Variants in SNW1 observed in about 807,000 individuals in gnomAD.
SNW1 encodes SNW domain-containing protein 1.
In SNW1, 9 loss-of-function variants were observed where a neutral mutation model predicts 75.6. The ratio of observed to expected loss-of-function variants is 0.12; its 90% confidence interval spans 0.07 to 0.21. SNW1 has a LOEUF of 0.21. Among genes scored for constraint, SNW1 ranks in the 10% least tolerant of loss-of-function variants. The pLI is 1.00. For synonymous variants in SNW1, 200 were observed against 219.1 expected (o/e 0.91, Z 0.77); for missense variants, 409 against 670.9 (o/e 0.61, Z 4.31).
chr14:77,720,613 C>T, intron 12 of SNW1, 98 bp downstream of exon 12: 2 of 851,816 alleles, frequency 2.3e-6, no homozygotes, highest in South Asian at 1.3e-5. Context: ...TGTCATCATG[C>T]TGGCATTTAC....
chr14:77,719,059 G>T (rs992293679), intron 12 of SNW1, among the ~76,000 whole-genome samples: 2 of 152,104 alleles, frequency 1.3e-5, no homozygotes, highest in African/African-American at 4.8e-5. Flanking sequence ...GAGTACAGGT[G>T]TGTGCCACCA....
intron 8 of SNW1, chr14:77,733,843 A>G (rs916445198): frequency 1.7e-5 from 4 of 237,688 alleles, no homozygotes; most frequent in Non-Finnish European, 2.7e-5. Context: ...TCCCATTTCA[A>G]TAACTCAAGA....
At chr14:77,723,403 G>T in intron 10 of SNW1, 126 bp from the exon 11 acceptor site, 1 of 693,598 alleles carries the variant, frequency 1.4e-6, no homozygotes, top group Non-Finnish European at 2.5e-6. Context: ...AGGCTGGAGT[G>T]TAGTAGCATG....
Position 77,761,152 on chromosome 14 carries a change from G to A in SNW1, c.-25C>T. Reference sequence around the variant, plus strand: ...TCTTCTTCCGCTTCTTCCAGCGCGAGCGACAGCACCGCTGGGCGGGTCTTT... The same window carrying A: ...TCTTCTTCCGCTTCTTCCAGCGCGAACGACAGCACCGCTGGGCGGGTCTTT... On this transcript the variant is annotated 5_prime_UTR_variant, in exon 1 of 14. Coordinates refer to ENST00000261531, the MANE Select transcript of SNW1 (RefSeq NM_012245.3). 3.1e-6 allele frequency: 5 copies of A among 1,614,242 alleles called. No individual in the cohort carries two copies. The highest frequency in any genetic ancestry group is 4.2e-6 in the Non-Finnish European group (5 of 1,180,038).
At chr14:77,735,536 G>T (rs2139908573) in intron 7 of SNW1, among the ~76,000 whole-genome samples, 1 of 152,292 alleles carries the variant, frequency 6.6e-6, no homozygotes, top group South Asian at 2.1e-4. Flanking sequence ...GCCCGCCTCG[G>T]CCTCCCAAAG....
chr14:77,760,516 A>C, intron 1 of SNW1: 1 of 620,606 alleles, frequency 1.6e-6, no homozygotes, highest in South Asian at 1.8e-5. Flanking sequence ...GGAAACAGCA[A>C]AACTGAGGTG....
chr14:77,759,197 A>C (rs2080866009), intron 1 of SNW1, among the ~76,000 whole-genome samples: 1 of 152,220 alleles, frequency 6.6e-6, no homozygotes, highest in Admixed American at 6.5e-5. Flanking sequence ...CTGCCACTGC[A>C]ATTTTAAGCA....
rs2080842402 is a variant in SNW1 at position 77,756,303 on chromosome 14, G to C, written c.15-1183C>G. Among the ~76,000 whole-genome samples, 3 of 151,546 alleles carry C rather than the reference G, an allele frequency of 2.0e-5. No individual in the cohort carries two copies. The South Asian group carries it at 6.2e-4, about 32-fold the overall frequency. On this transcript the variant is annotated intron_variant, in intron 1 of 13. Transcript: ENST00000261531. ...ATCCCTATTTTTTGTATTTTTAGTA[G>C]AGACTGGTTTTTGCCATGTTGGCCC... is the stretch of plus-strand genomic sequence containing the variant.
chr14:77,748,736 C>T (rs1458919234), intron 3 of SNW1, among the ~76,000 whole-genome samples: 1 of 151,830 alleles, frequency 6.6e-6, no homozygotes, highest in Admixed American at 6.6e-5. Context: ...TACAGGTACC[C>T]GCCACCATGC....
chr14:77,721,740 T>A (rs2080542464), intron 11 of SNW1, among the ~76,000 whole-genome samples: 1 of 152,128 alleles, frequency 6.6e-6, no homozygotes, highest in East Asian at 1.9e-4. Context: ...TTATTTATTT[T>A]TATTTTTTTA....
intron 7 of SNW1, 117 bp from the exon 8 acceptor site, chr14:77,735,129 TA>T: frequency 1.6e-6 from 1 of 634,582 alleles, no homozygotes; most frequent in Non-Finnish European, 2.8e-6. Flanking sequence ...ACAGCCGTAG[TA>T]AAAGGCCAGC....
At chr14:77,759,167 G>A (rs2080865622) in intron 1 of SNW1, among the ~76,000 whole-genome samples, 1 of 152,214 alleles carries the variant, frequency 6.6e-6, no homozygotes, top group African/African-American at 2.4e-5. Context: ...CCTCAAGACT[G>A]GCCATTTAAA....
At chr14:77,742,109 G>C (rs2080723928) in intron 3 of SNW1, among the ~76,000 whole-genome samples, 3 of 151,768 alleles carry the variant, frequency 2.0e-5, no homozygotes, top group African/African-American at 7.3e-5. Flanking sequence ...TCAGCTCATA[G>C]CAACCTCCGC....
intron 3 of SNW1, among the ~76,000 whole-genome samples, chr14:77,748,779 G>A (rs1015276562): frequency 2.8e-4 from 43 of 151,922 alleles, no homozygotes; most frequent in Non-Finnish European, 7.4e-5. Context: ...AGTAGAGACG[G>A]GGTTTCACTG....
Position 77,742,377 on chromosome 14 carries a change from G to A in SNW1, c.331-3316C>T, listed in dbSNP as rs1051848323. On this transcript the variant is annotated intron_variant, in intron 3 of 13. Transcript: ENST00000261531. ...ATAGTCTGAGAATTAAATGTGCTGAGGAAACTGAGTACCAGGAGGCAAATG... is the reference window on the plus strand; with the variant it reads ...ATAGTCTGAGAATTAAATGTGCTGAAGAAACTGAGTACCAGGAGGCAAATG... Among the ~76,000 whole-genome samples, 24 of 152,032 alleles carry A rather than the reference G, an allele frequency of 1.6e-4. 1 individual carries two copies. The highest frequency in any genetic ancestry group is 2.6e-4 in the Admixed American group (4 of 15,248).
chr14:77,761,105 A>C lies in SNW1; in HGVS notation c.14+9T>G. 1 of 1,614,236 alleles carries C rather than the reference A, an allele frequency of 6.2e-7. No homozygotes were observed. The highest frequency in any genetic ancestry group is 1.1e-5 in the South Asian group (1 of 91,090). ...CCTTCCGTATCGAGGACCCCAATCA[A>C]CAACCCACCTGGTGAGCGCCATCTT... On this transcript the variant is annotated intron_variant, in intron 1 of 13. Coordinates refer to ENST00000261531, the MANE Select transcript of SNW1 (RefSeq NM_012245.3).
intron 1 of SNW1, among the ~76,000 whole-genome samples, chr14:77,755,426 C>CT (rs1308187366): frequency 1.2e-3 from 174 of 148,792 alleles, no homozygotes; most frequent in African/African-American, 3.0e-3. Flanking sequence ...TCCATATTTC[C>CT]TTTTTTTTTT....
intron 3 of SNW1, among the ~76,000 whole-genome samples, chr14:77,743,739 T>G (rs1472850188): frequency 6.6e-6 from 1 of 152,168 alleles, no homozygotes; most frequent in Non-Finnish European, 1.5e-5. Flanking sequence ...TGTTTCTAGT[T>G]AAGACAATGG....
At chr14:77,740,783 T>A (rs924307463) in intron 3 of SNW1, among the ~76,000 whole-genome samples, 2 of 152,130 alleles carry the variant, frequency 1.3e-5, no homozygotes, top group Non-Finnish European at 2.9e-5. Context: ...ACATGGTTAT[T>A]ATCTGTCTCC....
Sources: allele counts gnomAD v4.1 joint callset (sites outside exome capture counted in the v4.1 genomes callset), GRCh38; gene constraint gnomAD v4.1.1; transcripts MANE v1.5; gene names NCBI Gene and HGNC (gene_info 2026-07-23, HGNC 2026-07-21).